The following MTUS1 variants were observed in gnomAD, a reference collection of about 807,000 sequenced individuals.
MTUS1 encodes microtubule associated scaffold protein 1, also known as microtubule-associated tumor suppressor 1.
MTUS1 carries 109 observed loss-of-function variants against 120.8 expected under a neutral mutation model. The observed-to-expected ratio is 0.90, with a 90% CI of 0.77 to 1.06. The LOEUF (loss-of-function observed/expected upper bound fraction) is 1.06. Among genes scored for constraint, MTUS1 ranks in the 50% least tolerant of loss-of-function variants. The pLI is 0.00. For synonymous variants in MTUS1, 737 were observed against 550.5 expected (o/e 1.34, Z -4.74); for missense variants, 2,210 against 1,486.3 (o/e 1.49, Z -8.01).
intron 7 of MTUS1, among the ~76,000 whole-genome samples, chr8:17,683,247 G>A (rs1179103345): frequency 6.6e-6 from 1 of 152,132 alleles, no homozygotes; most frequent in African/African-American, 2.4e-5. Flanking sequence ...ACTCCAGCCT[G>A]GGCGACAGAG....
At chr8:17,751,378 G>A (rs182605997) in intron 2 of MTUS1, among the ~76,000 whole-genome samples, 1 of 152,194 alleles carries the variant, frequency 6.6e-6, no homozygotes, top group Non-Finnish European at 1.5e-5. Context: ...TGCTGCTGAA[G>A]TGACCAACCG....
At chr8:17,766,011 C>T (rs1335878431) in intron 1 of MTUS1, among the ~76,000 whole-genome samples, 4 of 152,058 alleles carry the variant, frequency 2.6e-5, no homozygotes, top group African/African-American at 9.7e-5. Context: ...ATAAATTATA[C>T]ACTACAAATT....
chr8:17,784,395 A>C (rs1014706117), intron 1 of MTUS1, among the ~76,000 whole-genome samples: 6 of 149,014 alleles, frequency 4.0e-5, no homozygotes, highest in African/African-American at 1.2e-4. Flanking sequence ...TCCCACATTG[A>C]AGTGATTCTC....
At chr8:17,764,821 C>T (rs950563225) in intron 1 of MTUS1, among the ~76,000 whole-genome samples, 10 of 152,196 alleles carry the variant, frequency 6.6e-5, no homozygotes, top group Non-Finnish European at 1.3e-4. Flanking sequence ...GCCCTAATCC[C>T]GTGGTCCCCA....
At chr8:17,740,927 G>A (rs940184222) in intron 3 of MTUS1, among the ~76,000 whole-genome samples, 7 of 152,126 alleles carry the variant, frequency 4.6e-5, no homozygotes, top group Non-Finnish European at 5.9e-5. Flanking sequence ...GTGCAATGGT[G>A]CTATCTCGGC....
At chr8:17,747,001 T>A (rs555625676) in intron 2 of MTUS1, among the ~76,000 whole-genome samples, 10 of 152,246 alleles carry the variant, frequency 6.6e-5, no homozygotes, top group Non-Finnish European at 1.3e-4. Context: ...GCAAGATTAC[T>A]GAAACGATGT....
At chr8:17,785,532 C>T (rs1021799436) in intron 1 of MTUS1, among the ~76,000 whole-genome samples, 3 of 152,192 alleles carry the variant, frequency 2.0e-5, no homozygotes, top group African/African-American at 7.2e-5. Context: ...ACTGCCAACA[C>T]ATCATAAAAG....
chr8:17,758,762 A>T (rs1563341023), intron 1 of MTUS1, among the ~76,000 whole-genome samples: 1 of 152,220 alleles, frequency 6.6e-6, no homozygotes, highest in African/African-American at 2.4e-5. Flanking sequence ...TGTCTTTGTA[A>T]ATAATTGTTA....
intron 2 of MTUS1, 50 bp downstream of exon 2, chr8:17,753,667 T>C (rs749719201): frequency 2.0e-5 from 26 of 1,285,612 alleles, no homozygotes; most frequent in Non-Finnish European, 2.1e-5. Context: ...ACATCTCAGT[T>C]TTCTCCACAG....
At position 17,684,374 on chromosome 8, in the gene MTUS1, G is replaced by T; in HGVS notation, c.2792C>A (p.Thr931Asn). The T allele has an allele frequency of 6.2e-7, 1 of 1,614,158 alleles. No individual in the cohort carries two copies. The highest frequency in any genetic ancestry group is 8.5e-7 in the Non-Finnish European group (1 of 1,180,010). The part of the protein sequence containing the change: ...QLKQLLACGN[T>N]KFEALTVVIQ... Reference sequence around the variant, plus strand: ...CACAACTGTCAATGCCTCAAACTTGGTATTACCACAGGCAAGAAGCTGCTT... The same window carrying T: ...CACAACTGTCAATGCCTCAAACTTGTTATTACCACAGGCAAGAAGCTGCTT... The change falls in exon 7 of 15, where the codon ACC (threonine) becomes AAC (asparagine). Residue 931 changes from threonine to asparagine, a missense_variant. Physicochemically the swap from Thr to Asn is moderately conservative, Grantham distance 65 (BLOSUM62 0). Transcript: ENST00000693296.
intron 1 of MTUS1, among the ~76,000 whole-genome samples, chr8:17,771,308 G>A (rs544152717): frequency 3.9e-5 from 6 of 152,244 alleles, no homozygotes; most frequent in Non-Finnish European, 2.9e-5. Context: ...TGCACTGTAA[G>A]TTTACTTTAT....
At chr8:17,671,978 C>T (rs1333649389) in intron 8 of MTUS1, among the ~76,000 whole-genome samples, 2 of 152,042 alleles carry the variant, frequency 1.3e-5, no homozygotes, top group Admixed American at 6.6e-5. Context: ...TTTCATATCA[C>T]CAGCGAAAAA....
chr8:17,749,760 A>C (rs1586151582), intron 2 of MTUS1, among the ~76,000 whole-genome samples: 1 of 152,074 alleles, frequency 6.6e-6, no homozygotes, highest in East Asian at 1.9e-4. Context: ...CTTTCTAGAC[A>C]GAACCACTGT....
chr8:17,746,354 C>A (rs77348260), intron 2 of MTUS1, among the ~76,000 whole-genome samples: 1 of 152,178 alleles, frequency 6.6e-6, no homozygotes, highest in East Asian at 1.9e-4. Flanking sequence ...AGCACCTCTA[C>A]GTATTAGTCC....
intron 8 of MTUS1, 113 bp downstream of exon 8, chr8:17,675,073 A>T (rs1033554715): frequency 6.4e-7 from 1 of 1,554,058 alleles, no homozygotes; most frequent in Admixed American, 1.9e-5. Context: ...CTAGACAGGG[A>T]GTGCCAACAG....
chr8:17,722,570 C>G, intron 4 of MTUS1: 1 of 985,322 alleles, frequency 1.0e-6, no homozygotes, highest in African/African-American at 1.7e-5. Flanking sequence ...GCTACTTACT[C>G]TCATATGAGT....
At chr8:17,788,262 T>C (rs928966738) in intron 1 of MTUS1, among the ~76,000 whole-genome samples, 2 of 152,208 alleles carry the variant, frequency 1.3e-5, no homozygotes, top group Non-Finnish European at 1.5e-5. Flanking sequence ...CTTAATGTTA[T>C]CTCAAAAATT....
At chr8:17,777,067 C>G (rs1418656016) in intron 1 of MTUS1, among the ~76,000 whole-genome samples, 1 of 152,158 alleles carries the variant, frequency 6.6e-6, no homozygotes, top group Non-Finnish European at 1.5e-5. Flanking sequence ...ACTAAATGAA[C>G]TAGTGAATTA....
At chr8:17,696,723 T>C (rs143973834) in intron 6 of MTUS1, among the ~76,000 whole-genome samples, 24 of 152,328 alleles carry the variant, frequency 1.6e-4, no homozygotes, top group East Asian at 3.9e-4. Context: ...ATTATGAAGA[T>C]TGGAAAACTA....
Sources: allele counts gnomAD v4.1 joint callset (sites outside exome capture counted in the v4.1 genomes callset), GRCh38; gene constraint gnomAD v4.1.1; transcripts MANE v1.5; gene names NCBI Gene and HGNC (gene_info 2026-07-23, HGNC 2026-07-21).